MME: variants seen among roughly 807,000 people sequenced by gnomAD.
MME encodes neprilysin.
MME carries 98 observed loss-of-function variants against 113.2 expected under a neutral mutation model. The ratio of observed to expected loss-of-function variants is 0.87; its 90% CI spans 0.74 to 1.02. MME has a LOEUF of 1.02. MME is among the 50% of genes least tolerant of loss of function. The pLI is 0.00. For synonymous variants in MME, 292 were observed against 300.6 expected (o/e 0.97, Z 0.30); for missense variants, 836 against 896.0 (o/e 0.93, Z 0.86).
At chr3:155,035,663 G>A (rs1324037317) in intron 1 of MME, among the ~76,000 whole-genome samples, 1 of 152,188 alleles carries the variant, frequency 6.6e-6, no homozygotes, top group Non-Finnish European at 1.5e-5. Context: ...AGGAAGGAGT[G>A]ATTTGGGAGT....
intron 1 of MME, among the ~76,000 whole-genome samples, chr3:155,073,247 A>G (rs1214049105): frequency 6.6e-6 from 1 of 151,954 alleles, no homozygotes; most frequent in African/African-American, 2.4e-5. Flanking sequence ...CGAGCCTACA[A>G]GTTAAAAATG....
intron 22 of MME, among the ~76,000 whole-genome samples, chr3:155,175,937 G>A (rs1157922249): frequency 6.6e-6 from 1 of 152,042 alleles, no homozygotes; most frequent in East Asian, 1.9e-4. Flanking sequence ...CAGAATTTCT[G>A]TTAGCCCCTC....
chr3:155,151,626 A>G (rs1057102577), intron 16 of MME, among the ~76,000 whole-genome samples: 8 of 152,166 alleles, frequency 5.3e-5, no homozygotes, highest in Non-Finnish European at 1.0e-4. Context: ...ATTTAGGCAA[A>G]AAATAATATC....
intron 1 of MME, among the ~76,000 whole-genome samples, chr3:155,055,424 C>T (rs992367952): frequency 2.0e-5 from 3 of 152,040 alleles, no homozygotes; most frequent in Non-Finnish European, 2.9e-5. Context: ...ATGGTGAAAC[C>T]CCGTCTCTGC....
intron 1 of MME, among the ~76,000 whole-genome samples, chr3:155,060,489 T>C (rs1214345826): frequency 6.6e-6 from 1 of 152,056 alleles, no homozygotes; most frequent in African/African-American, 2.4e-5. Context: ...GATCCTAGAG[T>C]CCTCACAGTC....
At chr3:155,108,051 C>A (rs748598312) in intron 3 of MME, among the ~76,000 whole-genome samples, 13 of 152,128 alleles carry the variant, frequency 8.5e-5, no homozygotes, top group Non-Finnish European at 1.5e-4. Context: ...AATAAGGTGT[C>A]TTTAAACAGA....
intron 1 of MME, among the ~76,000 whole-genome samples, chr3:155,058,527 T>G (rs1488115024): frequency 1.3e-5 from 2 of 152,200 alleles, no homozygotes; most frequent in Non-Finnish European, 2.9e-5. Flanking sequence ...CTTATACTTT[T>G]TAAAACAATT....
rs770600970 is a variant in MME at position 155,140,189 on chromosome 3, A to G, written c.856-2A>G. 1 of 1,600,814 alleles carries G rather than the reference A, an allele frequency of 6.2e-7. No homozygotes were observed. Among genetic ancestry groups the G allele is most frequent in the South Asian group, 1.1e-5 (1 of 89,560 alleles). ...AATAATGATTAAAAATTAAATCCAT[A>G]GGCTACGGCTAAACCTGAAGATCGA... is the stretch of plus-strand genomic sequence containing the variant. On this transcript the variant is annotated splice_acceptor_variant, in intron 9 of 22. Transcript: ENST00000360490. LOFTEE classifies it high-confidence loss of function.
In MME at chr3:155,116,590, G is replaced by GTATATATATATA. The variant is rs10522735; in HGVS notation, c.439+37_439+48dup. On this transcript the variant is annotated intron_variant, in intron 5 of 22. Transcript: ENST00000360490. ...TGCTCTTCATTTGATTTCATTAGGA[G>GTATATATATATA]TATATATATATATATATTGGTGCCA... 0.012 allele frequency: 14,421 copies of GTATATATATATA among 1,233,258 alleles called. 370 individuals carry two copies. Among genetic ancestry groups the GTATATATATATA allele is most frequent in the Admixed American group, 0.056 (2,737 of 48,686 alleles). The allele number at this position is 1,233,258 out of a possible 1,614,324, so 76.4% of individuals were successfully genotyped here.
chr3:155,107,036 A>G (rs546383981), intron 3 of MME, among the ~76,000 whole-genome samples: 1 of 152,204 alleles, frequency 6.6e-6, no homozygotes, highest in Admixed American at 6.5e-5. Context: ...CATTCCCTAA[A>G]CATTAATTCA....
intron 8 of MME, among the ~76,000 whole-genome samples, chr3:155,129,378 A>C (rs747952322): frequency 2.6e-5 from 4 of 152,134 alleles, no homozygotes; most frequent in Non-Finnish European, 4.4e-5. Flanking sequence ...GGTCATCCAG[A>C]GGTATCATCT....
intron 1 of MME, among the ~76,000 whole-genome samples, chr3:155,029,074 T>G (rs1311306178): frequency 6.6e-6 from 1 of 152,174 alleles, no homozygotes; most frequent in Non-Finnish European, 1.5e-5. Flanking sequence ...AAAGTCCTAA[T>G]AAACACAACA....
intron 3 of MME, among the ~76,000 whole-genome samples, chr3:155,087,875 G>T (rs1263353894): frequency 6.6e-6 from 1 of 152,150 alleles, no homozygotes; most frequent in African/African-American, 2.4e-5. Flanking sequence ...GTGACTTAAT[G>T]TTTAGAGATA....
At chr3:155,143,351 A>G in intron 12 of MME, 92 bp from the exon 13 acceptor site, 1 of 1,440,180 alleles carries the variant, frequency 6.9e-7, no homozygotes, top group African/African-American at 1.4e-5. Flanking sequence ...ATATTTCAAG[A>G]ACTTAGATGA....
chr3:155,125,081 C>T (rs1255815308), intron 8 of MME, among the ~76,000 whole-genome samples: 3 of 149,112 alleles, frequency 2.0e-5, no homozygotes, highest in Middle Eastern at 3.5e-3. Context: ...ATTCCGTGGG[C>T]GTAGGACCCT....
At chr3:155,049,671 C>A (rs74584573) in intron 1 of MME, among the ~76,000 whole-genome samples, 1,723 of 108,244 alleles carry the variant, frequency 0.016, 14 homozygotes, top group African/African-American at 0.047. Context: ...ATCTATCTAT[C>A]TATATATAGA....
At chr3:155,104,740 T>C (rs1717550177) in intron 3 of MME, among the ~76,000 whole-genome samples, 1 of 152,220 alleles carries the variant, frequency 6.6e-6, no homozygotes, top group African/African-American at 2.4e-5. Flanking sequence ...AGAGTGTTAC[T>C]AAGGGAACAA....
At chr3:155,089,686 C>G (rs1186226026) in intron 3 of MME, 7 of 276,208 alleles carry the variant, frequency 2.5e-5, no homozygotes, top group Non-Finnish European at 5.3e-5. Context: ...TTCCCAGAGC[C>G]TCTGAATATG....
chr3:155,114,924 C>T (rs61763248), intron 3 of MME, 70 bp from the exon 4 acceptor site: 36 of 1,513,076 alleles, frequency 2.4e-5, no homozygotes, highest in Admixed American at 1.3e-4. Context: ...AGCAATAAGC[C>T]TTTTTCTCCT....
Sources: allele counts gnomAD v4.1 joint callset (sites outside exome capture counted in the v4.1 genomes callset), GRCh38; gene constraint gnomAD v4.1.1; transcripts MANE v1.5; gene names NCBI Gene and HGNC (gene_info 2026-07-23, HGNC 2026-07-21).